The following CCSER1 variants were observed in gnomAD, a reference collection of about 807,000 sequenced individuals.
CCSER1 encodes the protein serine-rich coiled-coil domain-containing protein 1.
Under a neutral mutation model 82.0 loss-of-function variants are expected in CCSER1, and 41 were observed. That is an observed-to-expected ratio of 0.50 (90% CI 0.39 to 0.65). CCSER1 has a LOEUF of 0.65. Among genes scored for constraint, CCSER1 ranks in the 30% least tolerant of loss-of-function variants. The pLI, the probability that CCSER1 is intolerant of heterozygous loss-of-function variation, is 0.00. For missense variants in CCSER1, 1,119 were observed against 1,064.2 expected, an observed-to-expected ratio of 1.05 and a Z score of -0.72; for synonymous variants, 414 against 383.9, an observed-to-expected ratio of 1.08 and a Z score of -0.92.
chr4:90,507,481 G>T (rs1005547650), intron 5 of CCSER1, among the ~76,000 whole-genome samples: 1 of 151,860 alleles, frequency 6.6e-6, no homozygotes, highest in Non-Finnish European at 1.5e-5. Flanking sequence ...ATGAAAAATT[G>T]CTACATTCTT....
chr4:91,559,151 G>T (rs1222325638), intron 10 of CCSER1, among the ~76,000 whole-genome samples: 2 of 151,448 alleles, frequency 1.3e-5, no homozygotes, highest in African/African-American at 4.8e-5. Flanking sequence ...ACTATTCTGT[G>T]CTGGAAATCC....
chr4:91,002,443 A>AT (rs534312692), intron 9 of CCSER1, among the ~76,000 whole-genome samples: 2 of 151,876 alleles, frequency 1.3e-5, no homozygotes, highest in South Asian at 2.1e-4. Context: ...GGCTTTGTTC[A>AT]TTTTTTCTTA....
At chr4:90,524,000 A>G (rs755560299) in intron 5 of CCSER1, among the ~76,000 whole-genome samples, 21 of 152,122 alleles carry the variant, frequency 1.4e-4, no homozygotes, top group Non-Finnish European at 2.6e-4. Flanking sequence ...TATATGACTA[A>G]CAATTCTAAA....
chr4:90,911,493 TG>T, intron 8 of CCSER1: 2 of 332,132 alleles, frequency 6.0e-6, no homozygotes, highest in South Asian at 4.9e-5. Flanking sequence ...TAAATAATCT[TG>T]GGGGCGGTTC....
chr4:91,440,105 C>T (rs74358359), intron 10 of CCSER1, among the ~76,000 whole-genome samples: 16,288 of 151,970 alleles, frequency 0.11, 1,025 homozygotes, highest in Middle Eastern at 0.19. Context: ...CAGCTCTGCA[C>T]CAAGTGGACC....
At chr4:91,247,885 A>G (rs1739924834) in intron 10 of CCSER1, among the ~76,000 whole-genome samples, 1 of 152,024 alleles carries the variant, frequency 6.6e-6, no homozygotes, top group South Asian at 2.1e-4. Flanking sequence ...ACAACAACAG[A>G]AAACAAAACA....
At chr4:91,150,427 A>G (rs1730052751) in intron 10 of CCSER1, among the ~76,000 whole-genome samples, 1 of 152,210 alleles carries the variant, frequency 6.6e-6, no homozygotes, top group African/African-American at 2.4e-5. Flanking sequence ...ATCTGCAAAC[A>G]GGGACAATTT....
At position 91,264,152 on chromosome 4, in the gene CCSER1, C is replaced by T. The variant is rs139389810; in HGVS notation, c.2217+178158C>T. Among the ~76,000 whole-genome samples, 25 of 151,862 alleles carry T rather than the reference C, an allele frequency of 1.6e-4. No homozygotes were observed. The East Asian group carries it at 2.9e-3, about 18-fold the overall frequency. The stretch of plus-strand genomic sequence containing the variant: ...AGAGACTGTTGTAATTTTTCTAAAG[C>T]ACTTTTATATTGCATGAATGACTAT... On this transcript the variant is annotated intron_variant, in intron 10 of 10. Transcript: ENST00000509176.
At chr4:90,751,646 A>T (rs1748683193) in intron 7 of CCSER1, among the ~76,000 whole-genome samples, 1 of 152,018 alleles carries the variant, frequency 6.6e-6, no homozygotes, top group Admixed American at 6.6e-5. Flanking sequence ...TTATGATATT[A>T]TTTTCTATTG....
At chr4:90,415,923 T>A (rs1262761590) in intron 4 of CCSER1, among the ~76,000 whole-genome samples, 1 of 152,224 alleles carries the variant, frequency 6.6e-6, no homozygotes, top group African/African-American at 2.4e-5. Flanking sequence ...TTACCCTGAC[T>A]TCTGTGTTAG....
At position 90,821,377 on chromosome 4, in the gene CCSER1, G is replaced by A. The variant is rs191122402; in HGVS notation, c.2094+5532G>A. Among the ~76,000 whole-genome samples, 307 of 152,250 alleles carry A rather than the reference G, an allele frequency of 2.0e-3. 1 individual carries two copies. The highest frequency in any genetic ancestry group is 3.4e-3 in the Middle Eastern group (1 of 294). On this transcript the variant is annotated intron_variant, in intron 8 of 10. Coordinates refer to ENST00000509176, the MANE Select transcript of CCSER1 (RefSeq NM_001145065.2). ...TATTACACATCATGGTGATTGGAGA[G>A]AATATTAGCTAATTGAGGGCATGGA...
chr4:91,127,984 A>C (rs1202958398), intron 10 of CCSER1, among the ~76,000 whole-genome samples: 1 of 152,018 alleles, frequency 6.6e-6, no homozygotes, highest in Non-Finnish European at 1.5e-5. Flanking sequence ...AAAGTCCCCT[A>C]TAATGTATTT....
intron 7 of CCSER1, among the ~76,000 whole-genome samples, chr4:90,756,959 AAAAT>A (rs1448337796): frequency 2.0e-5 from 3 of 152,196 alleles, no homozygotes; most frequent in African/African-American, 7.2e-5. Flanking sequence ...TATTAAACTA[AAAAT>A]AAATTTATGA....
intron 1 of CCSER1, among the ~76,000 whole-genome samples, chr4:90,285,932 T>C (rs1411997153): frequency 6.6e-6 from 1 of 152,078 alleles, no homozygotes; most frequent in Non-Finnish European, 1.5e-5. Context: ...TGTGATTTAT[T>C]GCCTTTATTG....
chr4:90,758,085 T>C (rs1033595375), intron 7 of CCSER1, among the ~76,000 whole-genome samples: 1 of 152,034 alleles, frequency 6.6e-6, no homozygotes, highest in African/African-American at 2.4e-5. Context: ...ATTTTAGGCA[T>C]GCGCCACCAC....
chr4:90,880,954 G>T (rs1721214149), intron 8 of CCSER1, among the ~76,000 whole-genome samples: 1 of 151,490 alleles, frequency 6.6e-6, no homozygotes, highest in South Asian at 2.1e-4. Context: ...TCAGTTGAAG[G>T]TGCTGAATTT....
intron 5 of CCSER1, among the ~76,000 whole-genome samples, chr4:90,571,886 AT>A (rs1181628296): frequency 4.6e-5 from 7 of 152,142 alleles, no homozygotes; most frequent in Non-Finnish European, 1.0e-4. Context: ...TTTGTGTTTT[AT>A]ATCTTATATT....
chr4:90,284,815 A>G (rs1729567494), intron 1 of CCSER1, among the ~76,000 whole-genome samples: 1 of 151,776 alleles, frequency 6.6e-6, no homozygotes, highest in Admixed American at 6.6e-5. Context: ...TTGTATATGG[A>G]GAGAGATATG....
In CCSER1 at chr4:91,433,937, G is replaced by A. The variant is rs187911243; in HGVS notation, c.2218-164635G>A. ...ACTGTAAACTAAGTCTACCTGGAAA[G>A]ACACATGTTTAAGCAAATAATCATA... On this transcript the variant is annotated intron_variant, in intron 10 of 10. Coordinates refer to ENST00000509176, the MANE Select transcript of CCSER1 (RefSeq NM_001145065.2). Among the ~76,000 whole-genome samples, 26 of 152,284 alleles carry A rather than the reference G, an allele frequency of 1.7e-4. No homozygotes were observed. The East Asian group carries it at 5.0e-3, about 29-fold the overall frequency.
Sources: allele counts gnomAD v4.1 joint callset (sites outside exome capture counted in the v4.1 genomes callset), GRCh38; gene constraint gnomAD v4.1.1; transcripts MANE v1.5; gene names NCBI Gene and HGNC (gene_info 2026-07-23, HGNC 2026-07-21).